KDM4B: variants seen among roughly 807,000 people sequenced by gnomAD.
KDM4B encodes lysine demethylase 4B.
KDM4B carries 32 observed loss-of-function variants against 125.2 expected under a neutral mutation model. The observed-to-expected ratio is 0.26, with a 90% confidence interval of 0.19 to 0.34. The LOEUF is 0.34. Among genes scored for constraint, KDM4B ranks in the 10% least tolerant of loss-of-function variants. The pLI, the probability that KDM4B is intolerant of heterozygous loss-of-function variation, is 1.00. For synonymous variants in KDM4B, 721 were observed against 677.9 expected (o/e 1.06, Z -0.99); for missense variants, 1,190 against 1,577.7 (o/e 0.75, Z 4.16).
In KDM4B at chr19:5,082,541, G is replaced by A. The variant is rs1440724927; in HGVS notation, c.918+37G>A. ...CCTGCTGGGAACGGGTCCCAGCAGG[G>A]CGGGAGGAGGCTCTTTTTTGCCTCT... On this transcript the variant is annotated intron_variant, in intron 9 of 22. Transcript: ENST00000159111. The surrounding 1 kb of genome is among the most constrained non-coding windows in gnomAD (Gnocchi z 5.4). 2 of 1,534,458 alleles carry A rather than the reference G, an allele frequency of 1.3e-6. No homozygotes were observed. Among genetic ancestry groups the A allele is most frequent in the African/African-American group, 1.4e-5 (1 of 72,056 alleles).
chr19:4,988,499 TCTC>T (rs2034923317), intron 1 of KDM4B, among the ~76,000 whole-genome samples: 1 of 151,950 alleles, frequency 6.6e-6, no homozygotes, highest in Non-Finnish European at 1.5e-5. Flanking sequence ...ATGGTCTCAA[TCTC>T]CTGACCTCGT....
chr19:5,024,030 C>T (rs573062547), intron 2 of KDM4B, among the ~76,000 whole-genome samples: 2 of 152,206 alleles, frequency 1.3e-5, no homozygotes, highest in African/African-American at 2.4e-5. Context: ...GGGTCACAGG[C>T]GTGAGCCCCT....
chr19:5,020,615 G>T (rs950844313), intron 2 of KDM4B, among the ~76,000 whole-genome samples: 18 of 152,202 alleles, frequency 1.2e-4, no homozygotes, highest in African/African-American at 3.9e-4. Flanking sequence ...GGCCGCGGGC[G>T]CTGGGGGAAG....
chr19:4,998,481 C>A (rs977235747), intron 1 of KDM4B, among the ~76,000 whole-genome samples: 1 of 152,198 alleles, frequency 6.6e-6, no homozygotes, highest in African/African-American at 2.4e-5. Flanking sequence ...CCTTTCCTCT[C>A]ATTCTCTTTC....
In KDM4B at chr19:5,142,193, A is replaced by G. The variant is rs998331323; in HGVS notation, c.2551-1774A>G. Among the ~76,000 whole-genome samples the G allele has an allele frequency of 2.6e-5, 4 of 152,028 alleles. No homozygotes were observed. The highest frequency in any genetic ancestry group is 9.7e-5 in the African/African-American group (4 of 41,408). On this transcript the variant is annotated intron_variant, in intron 18 of 22. Coordinates refer to ENST00000159111, the MANE Select transcript of KDM4B (RefSeq NM_015015.3). The surrounding 1 kb of genome is among the most constrained non-coding windows in gnomAD (Gnocchi z 5.4). ...GACACCGAGCCGGGAACTTCGAACC[A>G]AACACCAGTGCCTGGGCCCTTCCAG...
chr19:5,006,220 A>T (rs1336219709), intron 1 of KDM4B, among the ~76,000 whole-genome samples: 2 of 151,464 alleles, frequency 1.3e-5, no homozygotes, highest in Admixed American at 1.3e-4. Context: ...CTGTCCCGCC[A>T]CTACTGGAAC....
Position 5,150,399 on chromosome 19 carries a change from G to C in KDM4B, c.3063G>C (p.Gly1021=). 1 of 1,551,434 alleles carries C rather than the reference G, an allele frequency of 6.4e-7. No homozygotes were observed. The highest frequency in any genetic ancestry group is 1.2e-5 in the South Asian group (1 of 84,058). The change falls in exon 22 of 23, where the codon GGG becomes GGC. Residue 1021 remains glycine, a synonymous_variant. Transcript: ENST00000159111. Reference sequence around the variant, plus strand: ...GGTCCCAGCTGACGGTGAAGCGTGGGGACATCTTCACCCTGGAGGAGGAGC... The same window carrying C: ...GGTCCCAGCTGACGGTGAAGCGTGGCGACATCTTCACCCTGGAGGAGGAGC... The part of the protein sequence containing the change: ...EDGSQLTVKR[G]DIFTLEEELP...
chr19:5,011,000 ATCCTGT>A (rs1481771606), intron 1 of KDM4B, among the ~76,000 whole-genome samples: 2 of 152,092 alleles, frequency 1.3e-5, no homozygotes, highest in African/African-American at 2.4e-5. Context: ...TGTTTGTTTT[ATCCTGT>A]GGGTTGTAAC....
intron 9 of KDM4B, among the ~76,000 whole-genome samples, chr19:5,091,374 G>T (rs976412338): frequency 3.3e-5 from 5 of 152,326 alleles, no homozygotes; most frequent in African/African-American, 1.2e-4. Flanking sequence ...GGCCTGCTGT[G>T]TGCCAGCCTC....
chr19:5,115,335 C>T lies in KDM4B; in HGVS notation c.1116-4318C>T, dbSNP rs117163032. 2.7e-4 allele frequency among the ~76,000 whole-genome samples: 41 copies of T among 152,206 alleles called. No homozygotes were observed. Among genetic ancestry groups the T allele is most frequent in the East Asian group, 9.7e-4 (5 of 5,166 alleles). On this transcript the variant is annotated intron_variant, in intron 10 of 22. Coordinates refer to ENST00000159111, the MANE Select transcript of KDM4B (RefSeq NM_015015.3). The surrounding 1 kb of genome is among the most constrained non-coding windows in gnomAD (Gnocchi z 4.2). The stretch of plus-strand genomic sequence containing the variant: ...TGGGTGGCTCTGGGCAGAAGGGAGG[C>T]GCCTTCCTGGGGTCAGCAGTGGGGC...
chr19:5,090,359 T>G (rs2038651227), intron 9 of KDM4B, among the ~76,000 whole-genome samples: 1 of 139,622 alleles, frequency 7.2e-6, no homozygotes. Context: ...TCTCTCTCTC[T>G]CTCCTCATCT....
chr19:5,056,104 G>A (rs550104557), intron 6 of KDM4B, among the ~76,000 whole-genome samples: 2 of 152,326 alleles, frequency 1.3e-5, no homozygotes, highest in African/African-American at 2.4e-5. Context: ...GGGCTGGCCA[G>A]GGAGTTTATA....
At chr19:5,137,184 C>A (rs901478085) in intron 15 of KDM4B, 78 bp from the exon 16 acceptor site, 1 of 992,778 alleles carries the variant, frequency 1.0e-6, no homozygotes, top group Non-Finnish European at 1.5e-6. Flanking sequence ...AGTTACCCGG[C>A]CCCTCCCCCT....
chr19:4,969,519 G>A (rs1355892905), intron 1 of KDM4B, among the ~76,000 whole-genome samples: 1 of 150,090 alleles, frequency 6.7e-6, no homozygotes, highest in Non-Finnish European at 1.5e-5. Context: ...GGCCGGGGGC[G>A]CGCGGGGGCT....
intron 10 of KDM4B, among the ~76,000 whole-genome samples, chr19:5,111,136 G>A (rs1009128117): frequency 6.6e-6 from 1 of 152,236 alleles, no homozygotes; most frequent in African/African-American, 2.4e-5. Context: ...GACCCTGGGT[G>A]GCCCCAGGCC....
chr19:5,106,201 C>T (rs933484972), intron 9 of KDM4B, among the ~76,000 whole-genome samples: 1 of 152,098 alleles, frequency 6.6e-6, no homozygotes, highest in African/African-American at 2.4e-5. Context: ...TGTTGTGTGT[C>T]GTTTATTTAG....
chr19:5,137,431 C>T lies in KDM4B; in HGVS notation c.2385+93C>T, dbSNP rs553021045. ...TGACTTTGGGGCGTAGTCTCCCCTCCGTGGGCCTGGGTTCCTTCACCTCTG... is the reference window on the plus strand; with the variant it reads ...TGACTTTGGGGCGTAGTCTCCCCTCTGTGGGCCTGGGTTCCTTCACCTCTG... On this transcript the variant is annotated intron_variant, in intron 16 of 22. Transcript: ENST00000159111. 5.8e-4 allele frequency: 760 copies of T among 1,316,980 alleles called. 1 individual carries two copies. The highest frequency in any genetic ancestry group is 7.6e-4 in the Non-Finnish European group (720 of 948,032). The allele number at this position is 1,316,980 out of a possible 1,614,324, so 81.6% of individuals were successfully genotyped here.
chr19:5,090,362 CCT>C (rs1262745138), intron 9 of KDM4B, among the ~76,000 whole-genome samples: 20 of 139,118 alleles, frequency 1.4e-4, no homozygotes, highest in Admixed American at 4.9e-4. Flanking sequence ...CTCTCTCTCT[CCT>C]CATCTCTCTC....
chr19:5,104,134 T>C (rs1004503068), intron 9 of KDM4B, among the ~76,000 whole-genome samples: 2 of 152,160 alleles, frequency 1.3e-5, no homozygotes, highest in Non-Finnish European at 2.9e-5. Context: ...TGAGTCCCGC[T>C]GGCAGGACCC....
Sources: gnomAD v4.1 joint callset for allele counts (sites outside exome capture counted in the v4.1 genomes callset) on GRCh38, gnomAD v4.1.1 for gene constraint, Gnocchi (gnomAD v3.1) non-coding constraint, MANE v1.5 for transcripts, NCBI Gene and HGNC (gene_info 2026-07-23, HGNC 2026-07-21) for gene names.